Variants in RALGAPA2 observed in about 807,000 individuals in gnomAD.
RALGAPA2 encodes ral GTPase-activating protein subunit alpha-2.
In RALGAPA2, 139 loss-of-function variants were observed where a neutral mutation model predicts 230.4. The observed-to-expected ratio is 0.60, with a 90% confidence interval of 0.53 to 0.69. RALGAPA2 has a LOEUF of 0.69. RALGAPA2 is among the 30% of genes least tolerant of loss of function. RALGAPA2 has a pLI of 0.00. For missense variants in RALGAPA2, 2,163 were observed against 2,276.0 expected (o/e 0.95, Z 1.01); for synonymous variants, 847 against 837.8 (o/e 1.01, Z -0.19).
At chr20:20,673,311 A>G (rs1226616935) in intron 3 of RALGAPA2, among the ~76,000 whole-genome samples, 1 of 152,038 alleles carries the variant, frequency 6.6e-6, no homozygotes, top group Non-Finnish European at 1.5e-5. Context: ...AGCTGCTACA[A>G]TGGCAACTAG....
intron 4 of RALGAPA2, among the ~76,000 whole-genome samples, chr20:20,652,600 C>T (rs2067439689): frequency 6.6e-6 from 1 of 152,190 alleles, no homozygotes; most frequent in Non-Finnish European, 1.5e-5. Flanking sequence ...CATAAGGTCA[C>T]ACTCTCCACA....
At chr20:20,585,072 A>C (rs541983081) in intron 18 of RALGAPA2, 117 bp from the exon 19 acceptor site, 18 of 557,326 alleles carry the variant, frequency 3.2e-5, no homozygotes, top group Non-Finnish European at 1.2e-5. Context: ...TAGCTAAATA[A>C]ATTGATGTTT....
At chr20:20,588,711 T>C (rs577553866) in intron 18 of RALGAPA2, among the ~76,000 whole-genome samples, 1 of 152,282 alleles carries the variant, frequency 6.6e-6, no homozygotes, top group East Asian at 1.9e-4. Flanking sequence ...CCCTTTTTTA[T>C]TTTGTATCTT....
intron 20 of RALGAPA2, among the ~76,000 whole-genome samples, chr20:20,581,442 G>C (rs2146003079): frequency 6.6e-6 from 1 of 152,152 alleles, no homozygotes; most frequent in Non-Finnish European, 1.5e-5. Context: ...ATTTTAACAG[G>C]AACACAGTGT....
intron 37 of RALGAPA2, among the ~76,000 whole-genome samples, chr20:20,439,468 C>T (rs529315426): frequency 6.6e-6 from 1 of 152,308 alleles, no homozygotes; most frequent in East Asian, 1.9e-4. Flanking sequence ...TGGCCTCAGC[C>T]TCCCCAAGTG....
At chr20:20,401,731 G>C (rs1207346078) in intron 38 of RALGAPA2, among the ~76,000 whole-genome samples, 5 of 152,192 alleles carry the variant, frequency 3.3e-5, no homozygotes, top group Admixed American at 6.5e-5. Flanking sequence ...AAACATTGCA[G>C]AAGCAATGGA....
intron 10 of RALGAPA2, among the ~76,000 whole-genome samples, chr20:20,623,454 C>A (rs1302542991): frequency 7.1e-6 from 1 of 140,076 alleles, no homozygotes; most frequent in African/African-American, 2.7e-5. Flanking sequence ...GTCTGTATTG[C>A]AACTAATAAT....
At chr20:20,400,794 A>G (rs955405141) in intron 38 of RALGAPA2, among the ~76,000 whole-genome samples, 5 of 152,244 alleles carry the variant, frequency 3.3e-5, no homozygotes, top group Admixed American at 2.6e-4. Context: ...ATGTCCATCA[A>G]CTGGTGAATG....
rs921702665 is a variant in RALGAPA2 at position 20,531,545 on chromosome 20, C to T, written c.3582+142G>A. 2.0e-5 allele frequency: 15 copies of T among 750,492 alleles called. 1 individual carries two copies. Among genetic ancestry groups the T allele is most frequent in the South Asian group, 8.6e-5 (5 of 57,844 alleles). 46.5% of individuals were successfully genotyped at this position (750,492 alleles called of 1,614,324 possible). On this transcript the variant is annotated intron_variant, in intron 27 of 39. Transcript: ENST00000202677. ...GGGGAGCATCCGTTGGTGCCCCTCCCGGGAGCCTCACAGCACATGCAATGG... is the reference window on the plus strand; with the variant it reads ...GGGGAGCATCCGTTGGTGCCCCTCCTGGGAGCCTCACAGCACATGCAATGG...
intron 37 of RALGAPA2, 27 bp downstream of exon 37, chr20:20,472,802 A>C (rs561000688): frequency 2.5e-6 from 4 of 1,602,298 alleles, no homozygotes; most frequent in Non-Finnish European, 3.4e-6. Flanking sequence ...ATGGTTAGTA[A>C]GTTACACATT....
intron 38 of RALGAPA2, among the ~76,000 whole-genome samples, chr20:20,404,783 G>A (rs191962344): frequency 6.6e-6 from 1 of 152,310 alleles, no homozygotes; most frequent in East Asian, 1.9e-4. Context: ...TTAAAACTCT[G>A]TAAGGACTGG....
At chr20:20,633,659 T>C (rs2066762531) in intron 9 of RALGAPA2, among the ~76,000 whole-genome samples, 1 of 152,038 alleles carries the variant, frequency 6.6e-6, no homozygotes, top group African/African-American at 2.4e-5. Context: ...GGCTAATTTT[T>C]ACTAGAGATG....
In RALGAPA2 at chr20:20,629,608, C is replaced by T; in HGVS notation, c.1006-18G>A. The T allele has an allele frequency of 2.5e-6, 4 of 1,611,014 alleles. No individual in the cohort carries two copies. The highest frequency in any genetic ancestry group is 3.4e-6 in the Non-Finnish European group (4 of 1,178,534). On this transcript the variant is annotated intron_variant, in intron 9 of 39. Transcript: ENST00000202677. ...CCAACAGTCTGGAAGAAAGTCAGCA[C>T]ACTTCTCAATGATGCTCACCCCCAC...
intron 3 of RALGAPA2, among the ~76,000 whole-genome samples, chr20:20,662,176 G>A (rs1375948943): frequency 3.3e-5 from 5 of 151,998 alleles, no homozygotes; most frequent in East Asian, 3.9e-4. Flanking sequence ...TATTCTAAGC[G>A]ATGCAAATAA....
At chr20:20,601,085 G>A (rs2065632735) in intron 16 of RALGAPA2, among the ~76,000 whole-genome samples, 1 of 151,958 alleles carries the variant, frequency 6.6e-6, no homozygotes, top group Admixed American at 6.6e-5. Flanking sequence ...GGGCGTCAGA[G>A]CGAGACTCTG....
intron 37 of RALGAPA2, among the ~76,000 whole-genome samples, chr20:20,459,923 G>C (rs2061262380): frequency 6.6e-6 from 1 of 152,020 alleles, no homozygotes; most frequent in Non-Finnish European, 1.5e-5. Flanking sequence ...ATACTCACTG[G>C]GCACTGACCA....
At chr20:20,518,788 G>C (rs1005535637) in intron 31 of RALGAPA2, among the ~76,000 whole-genome samples, 1 of 152,102 alleles carries the variant, frequency 6.6e-6, no homozygotes, top group Non-Finnish European at 1.5e-5. Context: ...CTATTTTAGG[G>C]ATAGCCATGT....
chr20:20,512,224 T>TACACACACACACAC lies in RALGAPA2; in HGVS notation c.4856+275_4856+288dup, dbSNP rs1257439741. ...AACAAACAACAACAACAACCCCCCCTACACACACACACACATACACACACA... is the reference window on the plus strand; with the variant it reads ...AACAAACAACAACAACAACCCCCCCTACACACACACACACACACACACACACACATACACACACA... On this transcript the variant is annotated intron_variant, in intron 32 of 39. Coordinates refer to ENST00000202677, the MANE Select transcript of RALGAPA2 (RefSeq NM_020343.4). Among the ~76,000 whole-genome samples the TACACACACACACAC allele has an allele frequency of 1.1e-3, 155 of 137,766 alleles. 3 individuals are homozygous for TACACACACACACAC. The East Asian group carries it at 0.016, about 14-fold the overall frequency. The allele number at this position is 137,766 out of a possible 152,430, so 90.4% of individuals were successfully genotyped here.
rs76052734 is a variant in RALGAPA2, at chr20:20,450,656, C to G, written c.5495+22173G>C. ...CCCAGCTTCCTCGAGCTTCACTCTC[C>G]CCATCTGTGGGTTAACACAGTCCCA... On this transcript the variant is annotated intron_variant, in intron 37 of 39. Coordinates refer to ENST00000202677, the MANE Select transcript of RALGAPA2 (RefSeq NM_020343.4). Among the ~76,000 whole-genome samples, 1,167 of 152,330 alleles carry G rather than the reference C, an allele frequency of 7.7e-3. 12 individuals carry two copies. The highest frequency in any genetic ancestry group is 0.027 in the African/African-American group (1,106 of 41,574).
Sources: allele counts gnomAD v4.1 joint callset (sites outside exome capture counted in the v4.1 genomes callset), GRCh38; gene constraint gnomAD v4.1.1; transcripts MANE v1.5; gene names NCBI Gene and HGNC (gene_info 2026-07-23, HGNC 2026-07-21).